Variants in LRRC3B observed in about 807,000 individuals in gnomAD.
LRRC3B encodes leucine-rich repeat-containing protein 3B.
A neutral mutation model predicts 12.8 loss-of-function variants in LRRC3B; 2 were observed. That is an observed-to-expected ratio of 0.16 (90% confidence interval 0.06 to 0.49). The LOEUF (loss-of-function observed/expected upper bound fraction) is 0.49, where lower values mean the gene tolerates loss of function less well. Ranked by LOEUF, LRRC3B falls within the 20% of genes least tolerant of loss-of-function variation. The pLI, the probability that LRRC3B is intolerant of heterozygous loss-of-function variation, is 0.96. For synonymous variants in LRRC3B, 132 were observed against 122.0 expected, an observed-to-expected ratio of 1.08 and a Z score of -0.54; for missense variants, 189 against 319.4, an observed-to-expected ratio of 0.59 and a Z score of 3.11.
intron 1 of LRRC3B, among the ~76,000 whole-genome samples, chr3:26,688,601 G>A (rs933459354): frequency 6.6e-6 from 1 of 152,142 alleles, no homozygotes; most frequent in Non-Finnish European, 1.5e-5. Context: ...GGCCAGAGCA[G>A]GAAGAAGGAG....
At chr3:26,667,137 C>G (rs1436663462) in intron 1 of LRRC3B, among the ~76,000 whole-genome samples, 1 of 108,680 alleles carries the variant, frequency 9.2e-6, no homozygotes, top group African/African-American at 4.5e-5. Context: ...AAAAAAAAAG[C>G]CTCAGTTGAG....
chr3:26,642,805 T>C (rs1699058502), intron 1 of LRRC3B, among the ~76,000 whole-genome samples: 1 of 152,026 alleles, frequency 6.6e-6, no homozygotes, highest in African/African-American at 2.4e-5. Flanking sequence ...GATCACGAAG[T>C]CAGGAGATCG....
chr3:26,666,235 C>G (rs1217862102), intron 1 of LRRC3B, among the ~76,000 whole-genome samples: 2 of 151,710 alleles, frequency 1.3e-5, no homozygotes, highest in Non-Finnish European at 2.9e-5. Flanking sequence ...AGCAGAGTAA[C>G]CGCAAGGAAA....
chr3:26,679,584 A>C (rs920683721), intron 1 of LRRC3B, among the ~76,000 whole-genome samples: 1 of 152,160 alleles, frequency 6.6e-6, no homozygotes, highest in Admixed American at 6.5e-5. Flanking sequence ...GGAGGCTTCT[A>C]CTAACCTTCC....
intron 1 of LRRC3B, among the ~76,000 whole-genome samples, chr3:26,634,562 G>T (rs111307577): frequency 3.9e-5 from 6 of 152,278 alleles, no homozygotes; most frequent in African/African-American, 1.4e-4. Context: ...CAGGGAAAAG[G>T]TTCAATTCAC....
At chr3:26,684,145 T>A (rs1352537207) in intron 1 of LRRC3B, among the ~76,000 whole-genome samples, 1 of 152,224 alleles carries the variant, frequency 6.6e-6, no homozygotes, top group Non-Finnish European at 1.5e-5. Flanking sequence ...CCACGTTTTT[T>A]AAAAACAAAG....
chr3:26,658,659 C>T (rs1699428039), intron 1 of LRRC3B, among the ~76,000 whole-genome samples: 1 of 152,210 alleles, frequency 6.6e-6, no homozygotes, highest in Admixed American at 6.5e-5. Context: ...AGAGTAATAA[C>T]CAGGCTGCGC....
intron 1 of LRRC3B, among the ~76,000 whole-genome samples, chr3:26,693,591 G>T (rs1174645530): frequency 6.6e-6 from 1 of 152,172 alleles, no homozygotes; most frequent in Non-Finnish European, 1.5e-5. Context: ...ATCAAACCAT[G>T]CGAAATAGAT....
chr3:26,709,585 A>G, exon 2 of LRRC3B: 2 of 1,300,170 alleles, frequency 1.5e-6, no homozygotes, highest in South Asian at 2.8e-5. Flanking sequence ...CGCAAGAAGG[A>G]AATCAATAGT....
chr3:26,692,036 A>G (rs1260590930), intron 1 of LRRC3B, among the ~76,000 whole-genome samples: 2 of 152,244 alleles, frequency 1.3e-5, no homozygotes, highest in Non-Finnish European at 2.9e-5. Context: ...ACACATGTCC[A>G]CTAAGATGAC....
chr3:26,652,503 T>C (rs754890665), intron 1 of LRRC3B, among the ~76,000 whole-genome samples: 13 of 151,992 alleles, frequency 8.6e-5, no homozygotes, highest in Non-Finnish European at 1.5e-4. Flanking sequence ...TAGAACAGAG[T>C]CAGCTCAAAT....
chr3:26,700,814 T>C (rs1700434974), intron 1 of LRRC3B, among the ~76,000 whole-genome samples: 1 of 152,198 alleles, frequency 6.6e-6, no homozygotes, highest in African/African-American at 2.4e-5. Context: ...GCCTCTGTCA[T>C]TTAGCTGTAG....
At chr3:26,672,897 A>G (rs769516516) in intron 1 of LRRC3B, among the ~76,000 whole-genome samples, 1 of 152,162 alleles carries the variant, frequency 6.6e-6, no homozygotes, top group African/African-American at 2.4e-5. Context: ...TTAACATTCC[A>G]CCAGATCAGC....
chr3:26,643,047 C>T (rs115992962), intron 1 of LRRC3B, among the ~76,000 whole-genome samples: 8,351 of 150,746 alleles, frequency 0.055, 590 homozygotes, highest in East Asian at 0.16. Context: ...CAGGAGCATT[C>T]AAGTGTGGGC....
At chr3:26,641,769 AAATT>A (rs1033298986) in intron 1 of LRRC3B, among the ~76,000 whole-genome samples, 1 of 151,954 alleles carries the variant, frequency 6.6e-6, no homozygotes, top group Non-Finnish European at 1.5e-5. Context: ...AAAAATTAAT[AAATT>A]TAAAAAAATC....
In LRRC3B at chr3:26,693,707, A is replaced by G. The variant is rs145588975; in HGVS notation, c.-160-15806A>G. On this transcript the variant is annotated intron_variant, in intron 1 of 1. Transcript: ENST00000396641. The stretch of plus-strand genomic sequence containing the variant: ...TTCAAATTACTAGCAGTAACTAGTA[A>G]CTACTAAGAGGCTGAATGACAAAGT... 2.8e-3 allele frequency among the ~76,000 whole-genome samples: 423 copies of G among 152,370 alleles called. 1 individual carries two copies. The highest frequency in any genetic ancestry group is 9.1e-3 in the African/African-American group (379 of 41,592).
intron 1 of LRRC3B, among the ~76,000 whole-genome samples, chr3:26,686,580 T>A (rs1159890724): frequency 1.3e-5 from 2 of 152,080 alleles, no homozygotes; most frequent in African/African-American, 4.8e-5. Flanking sequence ...TATACCAACC[T>A]CATTGAAAAA....
chr3:26,666,262 A>T (rs1409269773), intron 1 of LRRC3B, among the ~76,000 whole-genome samples: 1 of 152,162 alleles, frequency 6.6e-6, no homozygotes, highest in African/African-American at 2.4e-5. Context: ...AGACAAATAG[A>T]TTATTAATAG....
intron 1 of LRRC3B, among the ~76,000 whole-genome samples, chr3:26,668,442 A>C (rs773583734): frequency 6.6e-6 from 1 of 152,144 alleles, no homozygotes; most frequent in Non-Finnish European, 1.5e-5. Flanking sequence ...TAAATTTTGC[A>C]ATGGAAATAT....
Sources: allele counts gnomAD v4.1 joint callset (sites outside exome capture counted in the v4.1 genomes callset), GRCh38; gene constraint gnomAD v4.1.1; transcripts MANE v1.5; gene names NCBI Gene and HGNC (gene_info 2026-07-23, HGNC 2026-07-21).